Variants in FCHSD2 observed in about 807,000 individuals in gnomAD.
FCHSD2 encodes F-BAR and double SH3 domains protein 2.
Under a neutral mutation model 108.1 loss-of-function variants are expected in FCHSD2, and 38 were observed. That is an observed-to-expected ratio of 0.35 (90% CI 0.27 to 0.46). FCHSD2 has a LOEUF of 0.46. Ranked by LOEUF, FCHSD2 falls within the 20% of genes least tolerant of loss-of-function variation. FCHSD2 has a pLI of 1.00. For synonymous variants in FCHSD2, 279 were observed against 314.7 expected (o/e 0.89, Z 1.20); for missense variants, 751 against 897.8 (o/e 0.84, Z 2.09).
chr11:72,927,659 C>A (rs11822039), intron 8 of FCHSD2, among the ~76,000 whole-genome samples: 35,445 of 152,106 alleles, frequency 0.23, 4,229 homozygotes, highest in Middle Eastern at 0.32. Context: ...TTTCTAACAA[C>A]TTGCCACTGG....
chr11:72,977,536 C>T (rs1392089484), intron 8 of FCHSD2, among the ~76,000 whole-genome samples: 1 of 152,186 alleles, frequency 6.6e-6, no homozygotes, highest in East Asian at 1.9e-4. Flanking sequence ...AAAGCATCAT[C>T]ACTGGCCATC....
Position 72,902,604 on chromosome 11 carries a change from T to C in FCHSD2, c.863A>G (p.Gln288Arg). ...GGGTTTGTGAAATACAGCGTTTTCTTGCAAAAACAGCTGAAGATTGTAGTC... is the reference window on the plus strand; with the variant it reads ...GGGTTTGTGAAATACAGCGTTTTCTCGCAAAAACAGCTGAAGATTGTAGTC... The part of the protein sequence containing the change: ...VRDYNLQLFL[Q>R]ENAVFHKPQP... The change falls in exon 10 of 20, where the codon CAA becomes CGA. Residue 288 changes from glutamine (Q) to arginine (R), a missense_variant. Coordinates refer to ENST00000409418, the MANE Select transcript of FCHSD2 (RefSeq NM_014824.3). 6.3e-7 allele frequency: 1 copy of C among 1,583,782 alleles called. No homozygotes were observed. Among genetic ancestry groups the C allele is most frequent in the South Asian group, 1.2e-5 (1 of 86,310 alleles).
intron 8 of FCHSD2, among the ~76,000 whole-genome samples, chr11:72,963,816 C>T (rs925059884): frequency 2.0e-5 from 3 of 152,170 alleles, no homozygotes; most frequent in Admixed American, 6.5e-5. Flanking sequence ...CACTGGCCCT[C>T]GGCTCACCTC....
intron 12 of FCHSD2, among the ~76,000 whole-genome samples, chr11:72,879,464 C>T (rs944213534): frequency 2.0e-5 from 3 of 151,946 alleles, no homozygotes; most frequent in Non-Finnish European, 2.9e-5. Flanking sequence ...AATGAAATGA[C>T]AGAGATGATG....
chr11:72,937,178 C>A (rs1856320153), intron 8 of FCHSD2, among the ~76,000 whole-genome samples: 1 of 152,106 alleles, frequency 6.6e-6, no homozygotes, highest in South Asian at 2.1e-4. Context: ...TGAAGGAACT[C>A]TTAAGGCTTT....
At chr11:73,049,417 G>A (rs1858840622) in intron 3 of FCHSD2, among the ~76,000 whole-genome samples, 1 of 151,816 alleles carries the variant, frequency 6.6e-6, no homozygotes, top group South Asian at 2.1e-4. Context: ...GGACGTTCAA[G>A]TGTGAACTAA....
chr11:73,141,775 G>A (rs1861254696), intron 1 of FCHSD2, 82 bp downstream of exon 1: 2 of 1,418,710 alleles, frequency 1.4e-6, no homozygotes, highest in East Asian at 2.7e-5. Flanking sequence ...TTGCGGGAGG[G>A]GGAAGGGGCG....
intron 3 of FCHSD2, among the ~76,000 whole-genome samples, chr11:73,063,820 GACTCCCAC>G (rs779657069): frequency 2.0e-4 from 31 of 152,136 alleles, no homozygotes; most frequent in Non-Finnish European, 4.1e-4. Context: ...AAGAGACTTA[GACTCCCAC>G]ACAATAATAA....
chr11:72,865,710 T>C (rs1000384378), intron 13 of FCHSD2, among the ~76,000 whole-genome samples: 1 of 151,856 alleles, frequency 6.6e-6, no homozygotes, highest in Non-Finnish European at 1.5e-5. Context: ...GCTTTTCTGA[T>C]AGTATTTCAA....
intron 13 of FCHSD2, among the ~76,000 whole-genome samples, chr11:72,865,165 T>C (rs1854694445): frequency 6.6e-6 from 1 of 152,204 alleles, no homozygotes; most frequent in Non-Finnish European, 1.5e-5. Flanking sequence ...ACGAATGCTT[T>C]TGTTGGCAGC....
chr11:72,879,614 G>A (rs987066185), intron 12 of FCHSD2, among the ~76,000 whole-genome samples: 1 of 152,010 alleles, frequency 6.6e-6, no homozygotes, highest in Non-Finnish European at 1.5e-5. Context: ...TATAACATTT[G>A]AAATAAAAAT....
chr11:72,908,064 C>T (rs1264750141), intron 9 of FCHSD2, among the ~76,000 whole-genome samples: 3 of 152,218 alleles, frequency 2.0e-5, no homozygotes, highest in African/African-American at 7.2e-5. Context: ...CAACCTTCTA[C>T]ATTTTATCTC....
intron 3 of FCHSD2, among the ~76,000 whole-genome samples, chr11:73,069,446 C>T (rs1395277238): frequency 1.4e-5 from 2 of 147,422 alleles, no homozygotes; most frequent in African/African-American, 5.0e-5. Flanking sequence ...AACATATATA[C>T]ATACATACAT....
At chr11:72,969,227 A>G (rs1856966648) in intron 8 of FCHSD2, among the ~76,000 whole-genome samples, 1 of 152,238 alleles carries the variant, frequency 6.6e-6, no homozygotes, top group Non-Finnish European at 1.5e-5. Context: ...CTTATGAGAG[A>G]CGGAGCTGCA....
Position 72,841,569 on chromosome 11 carries a change from G to T in FCHSD2, c.1941C>A (p.Pro647=). 1.2e-6 allele frequency: 2 copies of T among 1,605,998 alleles called. No individual in the cohort carries two copies. The highest frequency in any genetic ancestry group is 1.1e-5 in the South Asian group (1 of 89,692). Residue 647 remains proline (P), a synonymous_variant, in exon 18 of 20, where the codon CCC becomes CCA. Transcript: ENST00000409418. The part of the protein sequence containing the change: ...WMREIQISPS[P]KPHASLPPLP... Reference sequence around the variant, plus strand: ...GTGGAGGCAGGGAGGCGTGTGGCTTGGGGGAAGGAGAGATCTGCAGCAAAG... The same window carrying T: ...GTGGAGGCAGGGAGGCGTGTGGCTTTGGGGAAGGAGAGATCTGCAGCAAAG...
chr11:73,141,739 C>T, intron 1 of FCHSD2, 118 bp downstream of exon 1: 2 of 1,147,892 alleles, frequency 1.7e-6, no homozygotes, highest in African/African-American at 3.2e-5. Context: ...CGGTGACAAG[C>T]CCAAGACGAG....
chr11:72,860,887 T>G (rs1371708046), intron 13 of FCHSD2, among the ~76,000 whole-genome samples: 1 of 152,142 alleles, frequency 6.6e-6, no homozygotes, highest in African/African-American at 2.4e-5. Flanking sequence ...ATACCAGAAT[T>G]TGTGCAATGG....
At chr11:73,032,579 C>T (rs1398440216) in intron 3 of FCHSD2, among the ~76,000 whole-genome samples, 1 of 150,564 alleles carries the variant, frequency 6.6e-6, no homozygotes, top group African/African-American at 2.5e-5. Context: ...TATTACCTTC[C>T]TAACTGAAAA....
intron 3 of FCHSD2, among the ~76,000 whole-genome samples, chr11:73,060,089 A>G (rs990020149): frequency 6.6e-6 from 1 of 152,128 alleles, no homozygotes; most frequent in African/African-American, 2.4e-5. Context: ...GATGACTAAC[A>G]CCTCTAGAAG....
Sources: gnomAD v4.1 joint callset for allele counts (sites outside exome capture counted in the v4.1 genomes callset) on GRCh38, gnomAD v4.1.1 for gene constraint, MANE v1.5 for transcripts, NCBI Gene and HGNC (gene_info 2026-07-23, HGNC 2026-07-21) for gene names.